ZDHHC6: variants seen among roughly 807,000 people sequenced by gnomAD.
ZDHHC6 encodes zDHHC palmitoyltransferase 6.
Under a neutral mutation model 57.8 loss-of-function variants are expected in ZDHHC6, and 32 were observed. The ratio of observed to expected loss-of-function variants is 0.55; its 90% CI spans 0.42 to 0.74. The LOEUF (loss-of-function observed/expected upper bound fraction) is 0.74. Ranked by LOEUF, ZDHHC6 falls within the 30% of genes least tolerant of loss-of-function variation. ZDHHC6 has a pLI of 0.00. For missense variants in ZDHHC6, 433 were observed against 500.7 expected (o/e 0.86, Z 1.29); for synonymous variants, 128 against 158.0 (o/e 0.81, Z 1.42).
chr10:112,440,780 T>C, intron 4 of ZDHHC6, 85 bp from the exon 5 acceptor site: 1 of 1,361,984 alleles, frequency 7.3e-7, no homozygotes, highest in Non-Finnish European at 9.8e-7. Context: ...AACAACTTGA[T>C]CAAAGAGATA....
Position 112,442,196 on chromosome 10 carries a change from T to C in ZDHHC6, c.515A>G (p.His172Arg). 3.1e-6 allele frequency: 5 copies of C among 1,602,662 alleles called. No homozygotes were observed. The highest frequency in any genetic ancestry group is 4.3e-6 in the Non-Finnish European group (5 of 1,176,462). Residue 172 changes from histidine (H) to arginine (R), a missense_variant, in exon 4 of 11, where the codon CAT becomes CGT. By Grantham distance (29) the His-to-Arg change is conservative. Transcript: ENST00000369405. The stretch of plus-strand genomic sequence containing the variant: ...AACATTTTCATTTTCACTTACCCGA[T>C]GATAAAGCTGTGTGTACATAGTCAT... ...FVMTMYTQLY[H>R]RLSFGWNTVK...
chr10:112,435,255 A>G (rs958730675), intron 6 of ZDHHC6, among the ~76,000 whole-genome samples: 3 of 152,230 alleles, frequency 2.0e-5, no homozygotes, highest in African/African-American at 4.8e-5. Flanking sequence ...TATTTTAACA[A>G]TAAGTATACA....
In ZDHHC6 at chr10:112,445,521, A is replaced by G; in HGVS notation, c.-85T>C. 1 of 1,466,008 alleles carries G rather than the reference A, an allele frequency of 6.8e-7. No individual in the cohort carries two copies. Among genetic ancestry groups the G allele is most frequent in the Non-Finnish European group, 9.2e-7 (1 of 1,086,754 alleles). 90.8% of individuals were successfully genotyped at this position (1,466,008 alleles called of 1,614,324 possible). On this transcript the variant is annotated 5_prime_UTR_variant, in exon 2 of 11. It removes an upstream start codon present in the reference 5' UTR. Transcript: ENST00000369405. Reference sequence around the variant, plus strand: ...GCACATTTCCATGTGCCACAAGTCCATGTGTGTTCTTTAATTGTCATGCCT... The same window carrying G: ...GCACATTTCCATGTGCCACAAGTCCGTGTGTGTTCTTTAATTGTCATGCCT...
At position 112,440,695 on chromosome 10, in the gene ZDHHC6, G is replaced by A; in HGVS notation, c.520C>T (p.Leu174Phe). ...MTMYTQLYHR[L>F]SFGWNTVKID... is the part of the protein sequence containing the mutation. ...TTCACTGTGTTCCACCCAAAGGAGA[G>A]CTATCGCAGCAACAATAGCACACGC... Residue 174 changes from leucine to phenylalanine, a missense_variant and splice_region_variant, in exon 5 of 11, where the codon CTC becomes TTC. Leu to Phe is a conservative substitution (Grantham distance 22, BLOSUM62 0). Transcript: ENST00000369405. The A allele has an allele frequency of 2.5e-6, 4 of 1,610,452 alleles. No homozygotes were observed. The highest frequency in any genetic ancestry group is 3.4e-6 in the Non-Finnish European group (4 of 1,177,654).
At chr10:112,426,276 G>A (rs573115610), downstream of ZDHHC6, 8 of 1,614,106 alleles carry the variant, frequency 5.0e-6, no homozygotes, top group East Asian at 1.3e-4. Flanking sequence ...AGTAGGAGTG[G>A]TGGTTCCTGA....
intron 5 of ZDHHC6, among the ~76,000 whole-genome samples, chr10:112,439,697 T>C (rs1845928568): frequency 7.1e-6 from 1 of 140,366 alleles, no homozygotes; most frequent in Admixed American, 7.2e-5. Context: ...TTTTGGTCCC[T>C]TCAGAGCCAG....
intron 10 of ZDHHC6, among the ~76,000 whole-genome samples, 173 bp from the exon 11 acceptor site, chr10:112,431,080 G>A (rs969616546): frequency 4.7e-4 from 71 of 152,162 alleles, no homozygotes; most frequent in African/African-American, 1.6e-3. Context: ...ATTTTTAAAT[G>A]TTCATAACAA....
intron 4 of ZDHHC6, 39 bp downstream of exon 4, chr10:112,442,153 T>A (rs775557318): frequency 6.4e-7 from 1 of 1,556,126 alleles, no homozygotes; most frequent in Non-Finnish European, 8.7e-7. Flanking sequence ...TAATCTTGCA[T>A]GGATGATTTT....
In ZDHHC6 at chr10:112,432,381, A is replaced by G. The variant is rs1845126990; in HGVS notation, c.1086T>C (p.Gly362=). ...CAGTACTTCCTATTACTTACCGTAA[A>G]CCTCTTGTGGCTAAAATGAATTCCC... ...QKGEFILATR[G]LRYWLYGDKI... The change falls in exon 9 of 11, where the codon GGT becomes GGC. Residue 362 remains glycine, a synonymous_variant. Transcript: ENST00000369405. 6.2e-7 allele frequency: 1 copy of G among 1,613,922 alleles called. No individual in the cohort carries two copies. Among genetic ancestry groups the G allele is most frequent in the Non-Finnish European group, 8.5e-7 (1 of 1,179,996 alleles).
downstream of ZDHHC6, among the ~76,000 whole-genome samples, chr10:112,429,194 G>A (rs1844854294): frequency 6.6e-6 from 1 of 152,218 alleles, no homozygotes; most frequent in Non-Finnish European, 1.5e-5. Flanking sequence ...GGGTAGGCAG[G>A]AATTAACTTT....
downstream of ZDHHC6, chr10:112,425,474 G>A (rs1336537623): frequency 1.9e-6 from 3 of 1,607,980 alleles, no homozygotes; most frequent in Non-Finnish European, 1.7e-6. Context: ...CACGGGGAGA[G>A]CTTACGGGTA....
intron 5 of ZDHHC6, among the ~76,000 whole-genome samples, chr10:112,439,744 T>C (rs936903762): frequency 1.4e-5 from 2 of 139,268 alleles, no homozygotes; most frequent in African/African-American, 5.4e-5. Context: ...ACTGTGCACA[T>C]AAATCTATGA....
chr10:112,430,020 G>A (rs1204853135), downstream of ZDHHC6, among the ~76,000 whole-genome samples: 1 of 152,092 alleles, frequency 6.6e-6, no homozygotes, highest in East Asian at 1.9e-4. Flanking sequence ...GCACAAGGAT[G>A]CCCGGGTCCG....
chr10:112,433,323 C>G (rs746105548), intron 7 of ZDHHC6, 42 bp from the exon 8 acceptor site: 1 of 1,502,744 alleles, frequency 6.7e-7, no homozygotes, highest in Non-Finnish European at 8.9e-7. Flanking sequence ...AGTCTCTTGT[C>G]TCAATGTTGA....
Position 112,435,377 on chromosome 10 carries a change from A to C in ZDHHC6, c.736-913T>G, listed in dbSNP as rs114042129. ...ACTCAGCAATAAAGTGCCCGTTCTG[A>C]AATAATTTCTAGTCTATGGCCATAC... On this transcript the variant is annotated intron_variant, in intron 6 of 10. Coordinates refer to ENST00000369405, the MANE Select transcript of ZDHHC6 (RefSeq NM_022494.3). Among the ~76,000 whole-genome samples, 421 of 152,304 alleles carry C rather than the reference A, an allele frequency of 2.8e-3. 3 individuals are homozygous for C. The highest frequency in any genetic ancestry group is 9.4e-3 in the African/African-American group (391 of 41,572).
In ZDHHC6 at chr10:112,444,422, C is replaced by T. The variant is rs543510944; in HGVS notation, c.267+748G>A. Among the ~76,000 whole-genome samples, 21 of 152,320 alleles carry T rather than the reference C, an allele frequency of 1.4e-4. No individual in the cohort carries two copies. In the South Asian group the frequency reaches 3.5e-3, roughly 26 times the overall value. On this transcript the variant is annotated intron_variant, in intron 2 of 10. Coordinates refer to ENST00000369405, the MANE Select transcript of ZDHHC6 (RefSeq NM_022494.3). ...TATAGTTTAGTGATTTGCACAAGTG[C>T]GTTTGTTTCTTGCTTAGGTTATAAG...
At chr10:112,425,625 C>T (rs979477082), downstream of ZDHHC6, 13 of 757,416 alleles carry the variant, frequency 1.7e-5, no homozygotes, top group African/African-American at 2.2e-4. Context: ...AAGTTACATT[C>T]CAAACCTCAA....
At position 112,430,737 on chromosome 10, in the gene ZDHHC6, C is replaced by A. The variant is rs1844939813; in HGVS notation, c.*67G>T. The stretch of plus-strand genomic sequence containing the variant: ...ACCAGAGTAGGCTCATTGCATAATT[C>A]TTTAGTAATATGTACAATTTTCAAG... On this transcript the variant is annotated 3_prime_UTR_variant, in exon 11 of 11. Transcript: ENST00000369405. 7.1e-7 allele frequency: 1 copy of A among 1,409,230 alleles called. No homozygotes were observed. The highest frequency in any genetic ancestry group is 9.9e-7 in the Non-Finnish European group (1 of 1,014,688). The allele number at this position is 1,409,230 out of a possible 1,614,324, so 87.3% of individuals were successfully genotyped here.
At chr10:112,426,731 T>C, downstream of ZDHHC6, 1 of 1,517,202 alleles carries the variant, frequency 6.6e-7, no homozygotes, top group South Asian at 1.1e-5. Flanking sequence ...TGGTTCATGC[T>C]TAGCCCTTCA....
Sources: gnomAD v4.1 joint callset for allele counts (sites outside exome capture counted in the v4.1 genomes callset) on GRCh38, gnomAD v4.1.1 for gene constraint, MANE v1.5 for transcripts, NCBI Gene and HGNC (gene_info 2026-07-23, HGNC 2026-07-21) for gene names.